CROCC: variants seen among roughly 807,000 people sequenced by gnomAD.
CROCC encodes the protein ciliary rootlet coiled-coil, rootletin, also known as rootletin.
Under a neutral mutation model 245.2 loss-of-function variants are expected in CROCC, and 180 were observed. That is an observed-to-expected ratio of 0.73 (90% confidence interval 0.65 to 0.83). CROCC has a LOEUF of 0.83. CROCC is among the 40% of genes least tolerant of loss of function. The probability of loss-of-function intolerance (pLI) is 0.00; values close to 1 mark genes in which losing one functional copy is unlikely to be tolerated. For synonymous variants in CROCC, 1,205 were observed against 1,241.6 expected, an observed-to-expected ratio of 0.97 and a Z score of 0.62; for missense variants, 2,688 against 2,779.4, an observed-to-expected ratio of 0.97 and a Z score of 0.74.
chr1:16,958,440 T>G, intron 25 of CROCC, 143 bp from the exon 26 acceptor site: 1 of 992,208 alleles, frequency 1.0e-6, no homozygotes, highest in Non-Finnish European at 1.5e-6. Flanking sequence ...TCAGTGTGGT[T>G]GTGTAGGGGC....
At chr1:16,931,761 ATT>A (rs60537875) in intron 8 of CROCC, among the ~76,000 whole-genome samples, 4 of 149,820 alleles carry the variant, frequency 2.7e-5, no homozygotes, top group East Asian at 1.9e-4. Flanking sequence ...GAAGTTCCTG[ATT>A]TTTTTTTTTT....
rs1570601750 is a variant in CROCC, at chr1:16,930,209, T to G, written c.621+2T>G. ...GAGCTGGAGCAGCAGCGGCTGAGGG[T>G]GGGTGCCAGTGTGGGGCAGGGGCAG... On this transcript the variant is annotated splice_donor_variant, in intron 5 of 36. Coordinates refer to ENST00000375541, the MANE Select transcript of CROCC (RefSeq NM_014675.5). LOFTEE classifies it high-confidence loss of function. The G allele has an allele frequency of 6.3e-7, 1 of 1,588,016 alleles. No individual in the cohort carries two copies.
upstream of CROCC, among the ~76,000 whole-genome samples, chr1:16,918,738 GTTTTTGTTT>G (rs1373577569): frequency 6.9e-6 from 1 of 144,038 alleles, no homozygotes; most frequent in Non-Finnish European, 1.5e-5. Flanking sequence ...TTAGTTTTTT[GTTTTTGTTT>G]TTTTTTTGAG....
At position 16,954,783 on chromosome 1, in the gene CROCC, G is replaced by A. The variant is rs41272739; in HGVS notation, c.3371G>A (p.Arg1124Gln). ...GAGCTGCGGGACCTACGGGCCCAGC[G>A]GGAGGAGGCTGCTGCGGCCCACGCC... ...TSELRDLRAQ[R>Q]EEAAAAHAQE... Residue 1124 changes from arginine to glutamine, a missense_variant, in exon 23 of 37, where the codon CGG becomes CAG. Physicochemically the swap from Arg to Gln is conservative, Grantham distance 43 (BLOSUM62 1). This residue lies in a region of CROCC where 1,218 missense variants were observed against 1,286.3 expected (regional missense o/e 0.95). Transcript: ENST00000375541. The surrounding 1 kb of genome is among the most constrained non-coding windows in gnomAD (Gnocchi z 4.4). 0.014 allele frequency: 21,180 copies of A among 1,554,328 alleles called. 168 individuals are homozygous for A. The highest frequency in any genetic ancestry group is 0.016 in the Non-Finnish European group (18,930 of 1,149,310).
rs760822070 is a variant in CROCC, at chr1:16,969,809, G to A, written c.5326G>A (p.Ala1776Thr). The A allele has an allele frequency of 3.1e-6, 5 of 1,613,154 alleles. No homozygotes were observed. The South Asian group carries it at 3.3e-5, about 11-fold the overall frequency. ...GGAACGGCTGGATGCCGCCCGGCAG[G>A]CATTATCTGAGGCACGGAAGCAGAG... is the stretch of plus-strand genomic sequence containing the variant. ...LQERLDAARQALSEARKQSSS... is the reference protein window; with the variant it reads ...LQERLDAARQTLSEARKQSSS... The change falls in exon 33 of 37, where the codon GCA becomes ACA. Residue 1776 changes from alanine to threonine, a missense_variant. Ala to Thr is a moderately conservative substitution (Grantham distance 58). This residue lies in a region of CROCC where 1,218 missense variants were observed against 1,286.3 expected (regional missense o/e 0.95). Transcript: ENST00000375541.
At chr1:16,961,208 T>C in intron 27 of CROCC, 78 bp downstream of exon 27, 1 of 1,204,302 alleles carries the variant, frequency 8.3e-7, no homozygotes. Flanking sequence ...TGGCAGGGTG[T>C]TTTTGTTTTT....
chr1:16,931,523 G>A, intron 8 of CROCC, 126 bp downstream of exon 8: 4 of 832,920 alleles, frequency 4.8e-6, no homozygotes, highest in South Asian at 4.6e-5. Context: ...TGAGGACACA[G>A]AGGCAACTTG....
chr1:16,939,780 A>T (rs543131728), intron 12 of CROCC, 114 bp from the exon 13 acceptor site: 3 of 1,304,962 alleles, frequency 2.3e-6, no homozygotes. Flanking sequence ...GGCCAGGTCC[A>T]GGCCCTGGAC....
intron 3 of CROCC, 25 bp from the exon 4 acceptor site, chr1:16,929,821 T>A (rs1365807418): frequency 1.3e-6 from 2 of 1,514,978 alleles, no homozygotes; most frequent in African/African-American, 1.4e-5. Flanking sequence ...GGCCCAGGAC[T>A]CTCACCCAGG....
At chr1:16,941,105 C>T (rs541470751) in intron 13 of CROCC, 21 of 186,420 alleles carry the variant, frequency 1.1e-4, no homozygotes, top group Admixed American at 3.2e-4. Flanking sequence ...AATCACTCCT[C>T]CCACCTCAGC....
At chr1:16,933,220 C>T (rs183126163) in intron 8 of CROCC, among the ~76,000 whole-genome samples, 637 of 152,312 alleles carry the variant, frequency 4.2e-3, no homozygotes, top group Non-Finnish European at 4.9e-3. Flanking sequence ...AATCCCAGTA[C>T]TTCAGGAGGC....
At chr1:16,970,497 A>T in intron 34 of CROCC, 44 bp downstream of exon 34, 1 of 1,512,960 alleles carries the variant, frequency 6.6e-7, no homozygotes, top group Non-Finnish European at 8.9e-7. Flanking sequence ...TCTGGGGCCT[A>T]ACCGTGGTGG....
Position 16,954,758 on chromosome 1 carries a change from G to T in CROCC, c.3346G>T (p.Glu1116Ter). 1 of 1,556,264 alleles carries T rather than the reference G, an allele frequency of 6.4e-7. No homozygotes were observed. Among genetic ancestry groups the T allele is most frequent in the African/African-American group, 1.4e-5 (1 of 73,412 alleles). ...DRSTVNALTSELRDLRAQREE... is the reference protein window; with the variant it reads ...DRSTVNALTS ...GAGCACCGTGAACGCTCTGACGTCT[G>T]AGCTGCGGGACCTACGGGCCCAGCG... The change falls in exon 23 of 37, where the codon GAG becomes TAG. Residue 1116 changes from glutamate to a stop codon, truncating the protein, a stop_gained. Coordinates refer to ENST00000375541, the MANE Select transcript of CROCC (RefSeq NM_014675.5). LOFTEE classifies it high-confidence loss of function. The surrounding 1 kb of genome is among the most constrained non-coding windows in gnomAD (Gnocchi z 4.4).
intron 3 of CROCC, among the ~76,000 whole-genome samples, chr1:16,928,758 G>A (rs2075594346): frequency 6.6e-6 from 1 of 151,892 alleles, no homozygotes; most frequent in African/African-American, 2.4e-5. Context: ...ATCCGAGATC[G>A]AGCCATTGCA....
intron 12 of CROCC, 33 bp from the exon 13 acceptor site, chr1:16,939,861 C>T (rs767731164): frequency 6.3e-6 from 10 of 1,595,840 alleles, no homozygotes; most frequent in East Asian, 2.2e-5. Context: ...GCCTCTCAGG[C>T]CCCCCCAGAC....
rs766169567 is a variant in CROCC, at chr1:16,938,988, G to A, written c.1454G>A (p.Arg485Gln). The change falls in exon 12 of 37, where the codon CGG (arginine) becomes CAG (glutamine). Residue 485 changes from arginine (R) to glutamine (Q), a missense_variant. Physicochemically the swap from Arg to Gln is conservative, Grantham distance 43 (BLOSUM62 1). Transcript: ENST00000375541. ...RTADASNGSL[R>Q]GLSGQRTPSP... ...GCGGATGCTTCCAACGGCAGCCTGC[G>A]GGGGCTCTCGGGCCAGCGGACCCCG... The A allele has an allele frequency of 4.4e-6, 7 of 1,604,162 alleles. No homozygotes were observed. The East Asian group carries it at 6.7e-5, about 15-fold the overall frequency.
Position 16,956,027 on chromosome 1 carries a change from G to C in CROCC, c.3735G>C (p.Gln1245His), listed in dbSNP as rs2076245302. 1 of 1,550,916 alleles carries C rather than the reference G, an allele frequency of 6.4e-7. No individual in the cohort carries two copies. Among genetic ancestry groups the C allele is most frequent in the South Asian group, 1.2e-5 (1 of 84,062 alleles). The change falls in exon 25 of 37, where the codon CAG (glutamine) becomes CAC (histidine). Residue 1245 changes from glutamine to histidine, a missense_variant. Coordinates refer to ENST00000375541, the MANE Select transcript of CROCC (RefSeq NM_014675.5). ...SLKLANEDKEQKLALLEEART... is the reference protein window; with the variant it reads ...SLKLANEDKEHKLALLEEART... The stretch of plus-strand genomic sequence containing the variant: ...AGCTTGCCAATGAGGACAAGGAGCA[G>C]AAGCTGGCACTCCTAGAGGAGGCAC...
chr1:16,969,090 G>A (rs750690657), intron 31 of CROCC, 26 bp from the exon 32 acceptor site: 13 of 1,574,732 alleles, frequency 8.3e-6, no homozygotes, highest in African/African-American at 6.7e-5. Flanking sequence ...GAACAGCCCC[G>A]ATTGTTCTGG....
Position 16,971,653 on chromosome 1 carries a change from C to G in CROCC, c.5967+6C>G. 6.8e-7 allele frequency: 1 copy of G among 1,479,108 alleles called. No individual in the cohort carries two copies. The highest frequency in any genetic ancestry group is 1.4e-5 in the African/African-American group (1 of 71,398). 91.6% of individuals were successfully genotyped at this position (1,479,108 alleles called of 1,614,324 possible). A position where few individuals can be genotyped will look rare whatever the true frequency, so the allele number is the denominator to read the frequency against. ...TGCGTGGGCTGGAGGAGCAGGTGTG[C>G]AGGCCCCCTTAGAAGGCTGGGCCAG... is the stretch of plus-strand genomic sequence containing the variant. On this transcript the variant is annotated splice_donor_region_variant and intron_variant, in intron 36 of 36. Transcript: ENST00000375541.
Sources: gnomAD v4.1 joint callset for allele counts (sites outside exome capture counted in the v4.1 genomes callset) on GRCh38, gnomAD v4.1.1 for gene constraint, gnomAD v4.1.1 regional missense constraint, Gnocchi (gnomAD v3.1) non-coding constraint, MANE v1.5 for transcripts, NCBI Gene and HGNC (gene_info 2026-07-23, HGNC 2026-07-21) for gene names.